Variants in ZFPM2 observed in about 807,000 individuals in gnomAD.
ZFPM2 encodes the protein zinc finger protein, FOG family member 2.
Under a neutral mutation model 98.6 loss-of-function variants are expected in ZFPM2, and 20 were observed. The observed-to-expected ratio is 0.20, with a 90% confidence interval of 0.14 to 0.29. The LOEUF (loss-of-function observed/expected upper bound fraction) is 0.29. ZFPM2 is among the 10% of genes least tolerant of loss of function. The pLI is 1.00. For synonymous variants in ZFPM2, 518 were observed against 502.7 expected (o/e 1.03, Z -0.41); for missense variants, 1,310 against 1,388.6 (o/e 0.94, Z 0.90).
intron 2 of ZFPM2, among the ~76,000 whole-genome samples, chr8:105,435,926 TAAG>T (rs1812110942): frequency 3.3e-5 from 5 of 152,126 alleles, no homozygotes; most frequent in Admixed American, 3.3e-4. Flanking sequence ...ACCATAAAAA[TAAG>T]AACTAGTTTT....
chr8:105,437,197 G>A (rs548918788), intron 2 of ZFPM2, among the ~76,000 whole-genome samples: 4 of 152,210 alleles, frequency 2.6e-5, no homozygotes, highest in African/African-American at 4.8e-5. Context: ...GGTGCAAAAT[G>A]TAATTTATTT....
chr8:105,638,323 A>C lies in ZFPM2; in HGVS notation c.532+3966A>C, dbSNP rs1816888189. Among the ~76,000 whole-genome samples, 3 of 152,076 alleles carry C rather than the reference A, an allele frequency of 2.0e-5. No homozygotes were observed. The South Asian group carries it at 6.2e-4, about 32-fold the overall frequency. On this transcript the variant is annotated intron_variant, in intron 5 of 7. Coordinates refer to ENST00000407775, the MANE Select transcript of ZFPM2 (RefSeq NM_012082.4). Reference sequence around the variant, plus strand: ...CCTGCATGAGCCACTGAAATGGAGGAGAGGTAGTTCCCTAAATAAAACCAA... The same window carrying C: ...CCTGCATGAGCCACTGAAATGGAGGCGAGGTAGTTCCCTAAATAAAACCAA...
intron 1 of ZFPM2, among the ~76,000 whole-genome samples, chr8:105,332,372 G>T (rs1205578467): frequency 4.6e-5 from 7 of 151,610 alleles, no homozygotes; most frequent in Non-Finnish European, 8.9e-5. Context: ...AAAATACCAG[G>T]CACATAGCAG....
chr8:105,344,129 C>T (rs1812476814), intron 1 of ZFPM2, among the ~76,000 whole-genome samples: 1 of 152,090 alleles, frequency 6.6e-6, no homozygotes, highest in African/African-American at 2.4e-5. Flanking sequence ...GAAAGACCCG[C>T]CCCCATGATC....
At chr8:105,596,480 T>G (rs1815971834) in intron 4 of ZFPM2, among the ~76,000 whole-genome samples, 1 of 152,030 alleles carries the variant, frequency 6.6e-6, no homozygotes, top group African/African-American at 2.4e-5. Context: ...CCCTGGTTGT[T>G]CTGGTATGCC....
intron 3 of ZFPM2, among the ~76,000 whole-genome samples, chr8:105,543,398 A>G (rs1031692655): frequency 1.3e-5 from 2 of 152,164 alleles, no homozygotes; most frequent in Non-Finnish European, 2.9e-5. Context: ...AGGCGGGAGG[A>G]TCACTTGAAC....
chr8:105,688,889 T>C (rs576955270), intron 5 of ZFPM2, among the ~76,000 whole-genome samples: 1 of 152,184 alleles, frequency 6.6e-6, no homozygotes, highest in Non-Finnish European at 1.5e-5. Flanking sequence ...TATAGCAGCT[T>C]TAATGTGAGC....
intron 3 of ZFPM2, among the ~76,000 whole-genome samples, chr8:105,500,171 T>G (rs1349272123): frequency 6.6e-6 from 1 of 152,216 alleles, no homozygotes; most frequent in Non-Finnish European, 1.5e-5. Flanking sequence ...ATTGTGATAA[T>G]TTAATGATTT....
intron 5 of ZFPM2, among the ~76,000 whole-genome samples, chr8:105,725,015 A>AT (rs138850286): frequency 2.6e-5 from 4 of 151,786 alleles, no homozygotes; most frequent in African/African-American, 4.8e-5. Flanking sequence ...CTTAAATCAC[A>AT]TTTTTTTATC....
chr8:105,369,586 G>A (rs1419390536), intron 1 of ZFPM2, among the ~76,000 whole-genome samples: 3 of 152,058 alleles, frequency 2.0e-5, no homozygotes, highest in Admixed American at 2.0e-4. Flanking sequence ...GTAGGATTCA[G>A]TTATATTAGT....
At chr8:105,345,169 A>G (rs1812496135) in intron 1 of ZFPM2, among the ~76,000 whole-genome samples, 1 of 151,990 alleles carries the variant, frequency 6.6e-6, no homozygotes, top group African/African-American at 2.4e-5. Context: ...TCATTTTGGT[A>G]TCAAATCCGG....
chr8:105,551,682 T>TA (rs35446103), intron 3 of ZFPM2, among the ~76,000 whole-genome samples: 103,075 of 151,934 alleles, frequency 0.68, 36,530 homozygotes, highest in African/African-American at 0.91. Flanking sequence ...TTTTGTGACC[T>TA]AAAAATCACC....
chr8:105,374,326 G>T (rs1810680898), intron 1 of ZFPM2, among the ~76,000 whole-genome samples: 1 of 152,130 alleles, frequency 6.6e-6, no homozygotes, highest in Non-Finnish European at 1.5e-5. Flanking sequence ...ATTGCTCATA[G>T]TTCCAGAGAT....
intron 5 of ZFPM2, among the ~76,000 whole-genome samples, chr8:105,727,759 A>G (rs1442141512): frequency 1.3e-5 from 2 of 151,698 alleles, no homozygotes. Context: ...TAATAAATAT[A>G]AATATGCCAA....
At chr8:105,653,270 A>G (rs1192683086) in intron 5 of ZFPM2, among the ~76,000 whole-genome samples, 2 of 152,152 alleles carry the variant, frequency 1.3e-5, no homozygotes. Context: ...AAGCAAACTG[A>G]TACAAAAAAA....
chr8:105,605,910 A>G (rs1816187894), intron 4 of ZFPM2, among the ~76,000 whole-genome samples: 2 of 152,046 alleles, frequency 1.3e-5, no homozygotes, highest in African/African-American at 4.8e-5. Flanking sequence ...CTCTTCGTTT[A>G]TCCTCTTCCA....
At chr8:105,608,063 C>T (rs1310486059) in intron 4 of ZFPM2, among the ~76,000 whole-genome samples, 5 of 152,016 alleles carry the variant, frequency 3.3e-5, no homozygotes, top group Non-Finnish European at 5.9e-5. Context: ...GGTATTATCC[C>T]TAGCAAACTA....
intron 5 of ZFPM2, among the ~76,000 whole-genome samples, chr8:105,700,026 T>C (rs150625794): frequency 6.6e-6 from 1 of 152,208 alleles, no homozygotes; most frequent in Admixed American, 6.5e-5. Flanking sequence ...CTGTGTATAA[T>C]AAGGGCTTAT....
intron 3 of ZFPM2, among the ~76,000 whole-genome samples, chr8:105,553,885 C>T (rs1248234979): frequency 2.0e-5 from 3 of 152,098 alleles, no homozygotes; most frequent in South Asian, 2.1e-4. Context: ...TAAGTTCATG[C>T]GCCGGATAAG....
Sources: allele counts gnomAD v4.1 joint callset (sites outside exome capture counted in the v4.1 genomes callset), GRCh38; gene constraint gnomAD v4.1.1; transcripts MANE v1.5; gene names NCBI Gene and HGNC (gene_info 2026-07-23, HGNC 2026-07-21).